EBPL: variants seen among roughly 807,000 people sequenced by gnomAD.
The protein encoded by EBPL is emopamil-binding protein-like.
Under a neutral mutation model 19.0 loss-of-function variants are expected in EBPL, and 20 were observed. The observed-to-expected ratio is 1.05, with a 90% CI of 0.74 to 1.53. The LOEUF (loss-of-function observed/expected upper bound fraction) is 1.53, where lower values mean the gene tolerates loss of function less well. EBPL is among the 40% of genes most tolerant of loss of function. The pLI, the probability that EBPL is intolerant of heterozygous loss-of-function variation, is 0.00. For synonymous variants in EBPL, 107 were observed against 117.0 expected (o/e 0.91, Z 0.55); for missense variants, 219 against 261.1 (o/e 0.84, Z 1.11).
chr13:49,675,449 G>T (rs1056097456), intron 1 of EBPL, among the ~76,000 whole-genome samples: 1 of 152,160 alleles, frequency 6.6e-6, no homozygotes, highest in African/African-American at 2.4e-5. Context: ...GACTGTATTT[G>T]TCCTTTCATG....
At chr13:49,670,735 A>G (rs764190910) in intron 1 of EBPL, among the ~76,000 whole-genome samples, 3 of 152,148 alleles carry the variant, frequency 2.0e-5, no homozygotes, top group Non-Finnish European at 4.4e-5. Context: ...TTTCTGATAT[A>G]TTATTCTATT....
At chr13:49,663,900 G>A (rs545363455) in intron 2 of EBPL, among the ~76,000 whole-genome samples, 319 of 150,540 alleles carry the variant, frequency 2.1e-3, no homozygotes, top group African/African-American at 7.5e-3. Flanking sequence ...ACTCCAGCCT[G>A]GGTGACAGAG....
In EBPL at chr13:49,672,413, C is replaced by A. The variant is rs185983592; in HGVS notation, c.172-2567G>T. On this transcript the variant is annotated intron_variant, in intron 1 of 3. Transcript: ENST00000242827. Reference sequence around the variant, plus strand: ...CTATTCTCCTGCTGGGAGGTCAGTGCCCTCCTACACAGAAACTTGCTCACT... The same window carrying A: ...CTATTCTCCTGCTGGGAGGTCAGTGACCTCCTACACAGAAACTTGCTCACT... Among the ~76,000 whole-genome samples, 8 of 152,302 alleles carry A rather than the reference C, an allele frequency of 5.3e-5. No individual in the cohort carries two copies. In the East Asian group the frequency reaches 1.5e-3, roughly 29 times the overall value.
intron 1 of EBPL, among the ~76,000 whole-genome samples, chr13:49,683,094 C>T (rs559500775): frequency 1.1e-3 from 175 of 152,282 alleles, no homozygotes; most frequent in African/African-American, 4.1e-3. Context: ...ACGCCTCAGC[C>T]TCCCAAGTAG....
intron 2 of EBPL, among the ~76,000 whole-genome samples, chr13:49,663,539 T>C (rs559044942): frequency 6.6e-6 from 1 of 152,330 alleles, no homozygotes; most frequent in South Asian, 2.1e-4. Context: ...TCTCCAGTCA[T>C]GATCTTGGTA....
At chr13:49,676,685 A>G (rs1366957672) in intron 1 of EBPL, among the ~76,000 whole-genome samples, 1 of 152,182 alleles carries the variant, frequency 6.6e-6, no homozygotes, top group Non-Finnish European at 1.5e-5. Context: ...AGGCCTGGAC[A>G]GTCTTATCAC....
chr13:49,678,370 G>A (rs1432667176), intron 1 of EBPL, among the ~76,000 whole-genome samples: 1 of 152,226 alleles, frequency 6.6e-6, no homozygotes, highest in South Asian at 2.1e-4. Context: ...CGGACAGGTC[G>A]CTGCGGAGCA....
chr13:49,678,721 G>A (rs1195620533), intron 1 of EBPL, among the ~76,000 whole-genome samples: 4 of 152,112 alleles, frequency 2.6e-5, no homozygotes, highest in African/African-American at 9.7e-5. Context: ...CCAGAGAGGG[G>A]CTCCCACAGT....
At chr13:49,669,663 T>G (rs530669702) in intron 2 of EBPL, 114 bp downstream of exon 2, 117 of 905,018 alleles carry the variant, frequency 1.3e-4, no homozygotes, top group Admixed American at 6.1e-4. Flanking sequence ...GACTCACCTA[T>G]TCTGGACATT....
At position 49,661,875 on chromosome 13, in the gene EBPL, T is replaced by C. The variant is rs1232533560; in HGVS notation, c.381-667A>G. The C allele has an allele frequency of 1.9e-6, 3 of 1,550,440 alleles. No homozygotes were observed. In the East Asian group the frequency reaches 7.3e-5, roughly 38 times the overall value. ...ATGCAGCTGTGCCTACTTGAAATTG[T>C]TTTAGGGATTCATCTCAGGATAGCA... On this transcript the variant is annotated intron_variant, in intron 3 of 3. Coordinates refer to ENST00000242827, the MANE Select transcript of EBPL (RefSeq NM_032565.5).
intron 2 of EBPL, among the ~76,000 whole-genome samples, chr13:49,664,240 T>C (rs1965194548): frequency 6.6e-6 from 1 of 152,166 alleles, no homozygotes; most frequent in Non-Finnish European, 1.5e-5. Flanking sequence ...CAACAAGAGC[T>C]AGACTCTATC....
At chr13:49,673,964 C>T (rs1207407876) in intron 1 of EBPL, among the ~76,000 whole-genome samples, 2 of 98,680 alleles carry the variant, frequency 2.0e-5, no homozygotes, top group Non-Finnish European at 4.0e-5. Flanking sequence ...GAACTTAATA[C>T]ACACACACAC....
chr13:49,675,380 T>G (rs558537483), intron 1 of EBPL, among the ~76,000 whole-genome samples: 1 of 152,374 alleles, frequency 6.6e-6, no homozygotes, highest in Non-Finnish European at 1.5e-5. Flanking sequence ...ATCATAATCT[T>G]ATGGGACAAC....
At chr13:49,678,374 C>T (rs1045465556) in intron 1 of EBPL, among the ~76,000 whole-genome samples, 7 of 152,232 alleles carry the variant, frequency 4.6e-5, no homozygotes, top group East Asian at 1.9e-4. Flanking sequence ...CAGGTCGCTG[C>T]GGAGCAGGGG....
chr13:49,679,068 C>T (rs1048942004), intron 1 of EBPL, among the ~76,000 whole-genome samples: 8 of 150,900 alleles, frequency 5.3e-5, no homozygotes, highest in South Asian at 2.1e-4. Flanking sequence ...ACACAAAGAC[C>T]GAAGATCAAA....
Position 49,691,376 on chromosome 13 carries a change from G to T in EBPL, c.49C>A (p.Leu17Met). 7.3e-7 allele frequency: 1 copy of T among 1,362,864 alleles called. No homozygotes were observed. Among genetic ancestry groups the T allele is most frequent in the Non-Finnish European group, 9.5e-7 (1 of 1,054,794 alleles). 84.4% of individuals were successfully genotyped at this position (1,362,864 alleles called of 1,614,324 possible). The change falls in exon 1 of 4, where the codon CTG (leucine) becomes ATG (methionine). Residue 17 changes from leucine to methionine, a missense_variant. This residue lies in a region of EBPL where 170 missense variants were observed against 167.0 expected (regional missense o/e 1.02). Coordinates refer to ENST00000242827, the MANE Select transcript of EBPL (RefSeq NM_032565.5). Reference protein sequence around the residue: ...LGAEAGGSLLLCAALLAAGCA... With the variant: ...LGAEAGGSLLMCAALLAAGCA... The stretch of plus-strand genomic sequence containing the variant: ...CCCGCCGCCAGCAGCGCGGCGCACA[G>T]CAGCAGCGAACCGCCAGCCTCGGCC...
At chr13:49,678,710 C>G (rs1429402891) in intron 1 of EBPL, among the ~76,000 whole-genome samples, 1 of 152,094 alleles carries the variant, frequency 6.6e-6, no homozygotes, top group East Asian at 1.9e-4. Context: ...CCGCGGCCAG[C>G]CCAGAGAGGG....
At chr13:49,662,293 G>GTC (rs929740324) in intron 3 of EBPL, among the ~76,000 whole-genome samples, 13 of 152,156 alleles carry the variant, frequency 8.5e-5, no homozygotes, top group Admixed American at 7.9e-4. Flanking sequence ...ACCGCACCTG[G>GTC]TCTCTCTGCA....
At chr13:49,683,352 C>T (rs67881093) in intron 1 of EBPL, among the ~76,000 whole-genome samples, 27,974 of 151,690 alleles carry the variant, frequency 0.18, 3,231 homozygotes, top group Non-Finnish European at 0.26. Context: ...ACGGTGAAAC[C>T]TCGTCTCTAC....
Sources: gnomAD v4.1 joint callset for allele counts (sites outside exome capture counted in the v4.1 genomes callset) on GRCh38, gnomAD v4.1.1 for gene constraint, gnomAD v4.1.1 regional missense constraint, MANE v1.5 for transcripts, NCBI Gene and HGNC (gene_info 2026-07-23, HGNC 2026-07-21) for gene names.